Variants in NXPE2 observed in about 807,000 individuals in gnomAD.
NXPE2 encodes the protein NXPE family member 2.
NXPE2 carries 34 observed loss-of-function variants against 34.4 expected under a neutral mutation model. The observed-to-expected ratio is 0.99, with a 90% CI of 0.75 to 1.31. NXPE2 has a LOEUF of 1.31. Ranked by LOEUF, NXPE2 falls within the 40% of genes most tolerant of loss-of-function variation. NXPE2 has a pLI of 0.00. For missense variants in NXPE2, 649 were observed against 672.5 expected, an observed-to-expected ratio of 0.97 and a Z score of 0.39; for synonymous variants, 235 against 231.3, an observed-to-expected ratio of 1.02 and a Z score of -0.15.
the NXPE2 span, among the ~76,000 whole-genome samples, chr11:114,629,169 T>G: frequency 6.6e-6 from 1 of 152,084 alleles, no homozygotes; most frequent in African/African-American, 2.4e-5. Context: ...CTAACTCATT[T>G]TATGAGGCCA....
chr11:114,615,868 G>A, the NXPE2 span, among the ~76,000 whole-genome samples: 1 of 151,566 alleles, frequency 6.6e-6, no homozygotes, highest in Admixed American at 6.6e-5. Context: ...TGTAAGCACT[G>A]TGACCTGGTC....
the NXPE2 span, among the ~76,000 whole-genome samples, chr11:114,731,531 A>G: frequency 6.6e-6 from 1 of 152,246 alleles, no homozygotes; most frequent in Admixed American, 6.5e-5. Flanking sequence ...ACTATGGAAC[A>G]GTACTCAGCA....
the NXPE2 span, among the ~76,000 whole-genome samples, chr11:114,517,463 A>C: frequency 6.6e-6 from 1 of 152,108 alleles, no homozygotes. Context: ...CTCTCAGTTC[A>C]CAGAAGATTT....
At chr11:114,561,185 A>G in the NXPE2 span, among the ~76,000 whole-genome samples, 1 of 152,218 alleles carries the variant, frequency 6.6e-6, no homozygotes, top group East Asian at 1.9e-4. Context: ...CTAAGTACTC[A>G]TAGGATTAAA....
chr11:114,470,950 C>T, the NXPE2 span, among the ~76,000 whole-genome samples: 1 of 152,124 alleles, frequency 6.6e-6, no homozygotes, highest in East Asian at 1.9e-4. Context: ...AGTACAATGG[C>T]CTAGCCAAGT....
chr11:114,736,346 C>T, the NXPE2 span, among the ~76,000 whole-genome samples: 1 of 152,154 alleles, frequency 6.6e-6, no homozygotes, highest in African/African-American at 2.4e-5. Flanking sequence ...TGGCCACACC[C>T]AAGGAAGCCA....
chr11:114,704,417 C>A (rs1951434593), intron 4 of NXPE2, among the ~76,000 whole-genome samples: 1 of 152,134 alleles, frequency 6.6e-6, no homozygotes, highest in African/African-American at 2.4e-5. Context: ...AGAGTTAGGA[C>A]ATTTCTTTGG....
At chr11:114,528,132 G>T in the NXPE2 span, among the ~76,000 whole-genome samples, 2 of 152,144 alleles carry the variant, frequency 1.3e-5, no homozygotes, top group Non-Finnish European at 2.9e-5. Flanking sequence ...TCTGCCACAT[G>T]TAATCAGTGT....
At chr11:114,698,948 G>A (rs1951316244) in intron 3 of NXPE2, among the ~76,000 whole-genome samples, 170 bp downstream of exon 3, 2 of 152,092 alleles carry the variant, frequency 1.3e-5, no homozygotes, top group South Asian at 4.1e-4. Flanking sequence ...ATCCATACAA[G>A]TCACCCCTAG....
the NXPE2 span, among the ~76,000 whole-genome samples, chr11:114,547,210 A>G: frequency 1.3e-5 from 2 of 152,208 alleles, no homozygotes; most frequent in East Asian, 1.9e-4. Flanking sequence ...GATCAAGATT[A>G]ACATCATCAG....
the NXPE2 span, among the ~76,000 whole-genome samples, chr11:114,768,254 T>A: frequency 2.0e-5 from 3 of 152,208 alleles, no homozygotes; most frequent in Admixed American, 1.3e-4. Flanking sequence ...GCCTCTGTAC[T>A]GTTCCATTGG....
At chr11:114,510,851 G>A in the NXPE2 span, among the ~76,000 whole-genome samples, 1 of 152,090 alleles carries the variant, frequency 6.6e-6, no homozygotes, top group African/African-American at 2.4e-5. Context: ...ATTAATTTTA[G>A]TAAAACAAAA....
the NXPE2 span, among the ~76,000 whole-genome samples, chr11:114,728,011 A>G: frequency 1.2e-3 from 185 of 152,240 alleles, no homozygotes; most frequent in African/African-American, 4.2e-3. Flanking sequence ...TGGAGACTGT[A>G]CGGGAGAATC....
At chr11:114,626,030 C>G in the NXPE2 span, among the ~76,000 whole-genome samples, 1 of 152,224 alleles carries the variant, frequency 6.6e-6, no homozygotes, top group Non-Finnish European at 1.5e-5. Context: ...GTCCTACGCC[C>G]ACGGAGTCTC....
chr11:114,616,731 C>G, the NXPE2 span, among the ~76,000 whole-genome samples: 1 of 151,756 alleles, frequency 6.6e-6, no homozygotes, highest in African/African-American at 2.4e-5. Context: ...TAAGTGTTGC[C>G]TCCTGGGTAA....
the NXPE2 span, among the ~76,000 whole-genome samples, chr11:114,494,473 T>G: frequency 6.6e-6 from 1 of 152,188 alleles, no homozygotes. Flanking sequence ...CCTTGATCAT[T>G]TTGCTACTAA....
chr11:114,640,618 G>A, the NXPE2 span, among the ~76,000 whole-genome samples: 1 of 151,848 alleles, frequency 6.6e-6, no homozygotes, highest in African/African-American at 2.4e-5. Context: ...ACGAACATCT[G>A]TTGGTTTTTT....
At chr11:114,607,803 G>A in the NXPE2 span, among the ~76,000 whole-genome samples, 2 of 151,622 alleles carry the variant, frequency 1.3e-5, no homozygotes, top group Non-Finnish European at 2.9e-5. Flanking sequence ...AATAAGTGTT[G>A]CCTCTTCAGT....
At chr11:114,583,045 T>A in the NXPE2 span, 1 of 1,583,668 alleles carries the variant, frequency 6.3e-7, no homozygotes, top group Non-Finnish European at 8.6e-7. Context: ...AAATGTGACA[T>A]GAGATGGATA....
Sources: allele counts gnomAD v4.1 joint callset (sites outside exome capture counted in the v4.1 genomes callset), GRCh38; gene constraint gnomAD v4.1.1; transcripts MANE v1.5; gene names NCBI Gene and HGNC (gene_info 2026-07-23, HGNC 2026-07-21).